The following ETV6 variants were observed in gnomAD, a reference collection of about 807,000 sequenced individuals.
The protein encoded by ETV6 is transcription factor ETV6.
Under a neutral mutation model 51.1 loss-of-function variants are expected in ETV6, and 16 were observed. That is an observed-to-expected ratio of 0.31 (90% CI 0.21 to 0.48). The LOEUF is 0.48. Ranked by LOEUF, ETV6 falls within the 20% of genes least tolerant of loss-of-function variation. The probability of loss-of-function intolerance (pLI) is 0.99; values close to 1 mark genes in which losing one functional copy is unlikely to be tolerated. For missense variants in ETV6, 458 were observed against 594.8 expected, an observed-to-expected ratio of 0.77 and a Z score of 2.39; for synonymous variants, 240 against 224.1, an observed-to-expected ratio of 1.07 and a Z score of -0.64.
chr12:11,793,553 T>C (rs1393193558), intron 2 of ETV6, among the ~76,000 whole-genome samples: 1 of 152,228 alleles, frequency 6.6e-6, no homozygotes, highest in African/African-American at 2.4e-5. Flanking sequence ...TTCAGAGAAC[T>C]CCAGTAAATT....
At chr12:11,740,532 C>T (rs148059338) in intron 1 of ETV6, among the ~76,000 whole-genome samples, 24 of 152,040 alleles carry the variant, frequency 1.6e-4, no homozygotes, top group Admixed American at 1.3e-3. Flanking sequence ...CAGTGAATTT[C>T]AGATATTAAA....
intron 1 of ETV6, among the ~76,000 whole-genome samples, chr12:11,665,108 G>C (rs1255415346): frequency 6.6e-6 from 1 of 152,156 alleles, no homozygotes; most frequent in Non-Finnish European, 1.5e-5. Context: ...TCTGGGCTCA[G>C]GTGATTCTCC....
intron 1 of ETV6, among the ~76,000 whole-genome samples, chr12:11,659,310 G>C (rs1864056655): frequency 6.6e-6 from 1 of 152,198 alleles, no homozygotes; most frequent in African/African-American, 2.4e-5. Flanking sequence ...TGGCAGATGA[G>C]AAGATGAACT....
intron 2 of ETV6, among the ~76,000 whole-genome samples, chr12:11,757,285 C>A (rs11054444): frequency 1.3e-5 from 2 of 152,134 alleles, no homozygotes; most frequent in Non-Finnish European, 2.9e-5. Flanking sequence ...GTTTTGCCTT[C>A]TCAGCAGAGT....
chr12:11,855,283 G>A (rs766588243), intron 4 of ETV6, among the ~76,000 whole-genome samples: 2 of 152,128 alleles, frequency 1.3e-5, no homozygotes, highest in Non-Finnish European at 2.9e-5. Context: ...TCCAGCCTGG[G>A]CGACAGAGCG....
intron 2 of ETV6, among the ~76,000 whole-genome samples, chr12:11,821,251 A>G (rs748891148): frequency 2.0e-5 from 3 of 152,068 alleles, no homozygotes; most frequent in Non-Finnish European, 4.4e-5. Context: ...CTGTAGTCCC[A>G]GCTTCTCGGG....
intron 2 of ETV6, among the ~76,000 whole-genome samples, chr12:11,835,884 G>A (rs761994949): frequency 1.3e-5 from 2 of 152,178 alleles, no homozygotes; most frequent in African/African-American, 2.4e-5. Context: ...TCAGATCTCC[G>A]CTTCTGTCAT....
intron 2 of ETV6, among the ~76,000 whole-genome samples, chr12:11,789,888 A>G (rs1945555112): frequency 6.6e-6 from 1 of 152,120 alleles, no homozygotes; most frequent in South Asian, 2.1e-4. Flanking sequence ...TTTTACAGTA[A>G]TGTGCCTTAG....
chr12:11,789,738 A>G (rs752190230), intron 2 of ETV6, among the ~76,000 whole-genome samples: 3 of 152,142 alleles, frequency 2.0e-5, no homozygotes, highest in Non-Finnish European at 4.4e-5. Flanking sequence ...CAGAATTTTG[A>G]AGGTAGCACT....
chr12:11,844,801 C>T (rs920304332), intron 3 of ETV6, among the ~76,000 whole-genome samples: 1 of 148,582 alleles, frequency 6.7e-6, no homozygotes, highest in African/African-American at 2.5e-5. Context: ...AGAAATGCTT[C>T]GATAGGTCAC....
At chr12:11,827,283 G>A (rs992513640) in intron 2 of ETV6, among the ~76,000 whole-genome samples, 45 of 152,176 alleles carry the variant, frequency 3.0e-4, no homozygotes, top group African/African-American at 9.6e-4. Context: ...ACAGCCTTTC[G>A]GTGGAGGGTA....
intron 1 of ETV6, among the ~76,000 whole-genome samples, chr12:11,665,887 G>C (rs1175054935): frequency 6.6e-6 from 1 of 152,226 alleles, no homozygotes; most frequent in Non-Finnish European, 1.5e-5. Flanking sequence ...TTCTAGAGGG[G>C]AATATAGATA....
At chr12:11,756,384 TTTC>T (rs1263017434) in intron 2 of ETV6, among the ~76,000 whole-genome samples, 5 of 152,190 alleles carry the variant, frequency 3.3e-5, no homozygotes, top group Non-Finnish European at 7.4e-5. Flanking sequence ...GGCATCATTT[TTTC>T]TTCTTCTTCC....
chr12:11,750,634 G>C (rs1173902860), intron 1 of ETV6, among the ~76,000 whole-genome samples: 1 of 152,166 alleles, frequency 6.6e-6, no homozygotes, highest in Non-Finnish European at 1.5e-5. Context: ...GTTAACGGTA[G>C]ATATCTAGAC....
chr12:11,656,650 G>A (rs1466010972), intron 1 of ETV6, among the ~76,000 whole-genome samples: 1 of 152,064 alleles, frequency 6.6e-6, no homozygotes, highest in Non-Finnish European at 1.5e-5. Flanking sequence ...GGCCCTTGTT[G>A]TTTTTCTCAG....
At chr12:11,799,251 A>G (rs1945715318) in intron 2 of ETV6, among the ~76,000 whole-genome samples, 1 of 152,216 alleles carries the variant, frequency 6.6e-6, no homozygotes, top group African/African-American at 2.4e-5. Flanking sequence ...TGTCTAGTGC[A>G]GAACAAGATC....
intron 2 of ETV6, among the ~76,000 whole-genome samples, chr12:11,827,238 C>T (rs1946170215): frequency 6.6e-6 from 1 of 152,088 alleles, no homozygotes; most frequent in Non-Finnish European, 1.5e-5. Flanking sequence ...TCACAGCAGT[C>T]TGCCCCGCGA....
intron 5 of ETV6, among the ~76,000 whole-genome samples, chr12:11,875,352 T>C (rs555108484): frequency 1.3e-5 from 2 of 152,312 alleles, no homozygotes; most frequent in East Asian, 3.9e-4. Flanking sequence ...CAACGCTGTA[T>C]GGAATAGTGA....
chr12:11,871,197 C>CT (rs569181747), intron 5 of ETV6, among the ~76,000 whole-genome samples: 4,201 of 138,248 alleles, frequency 0.03, 93 homozygotes, highest in African/African-American at 0.063. Context: ...GGTACTGTCC[C>CT]TTTTTTTTTT....
Sources: gnomAD v4.1 joint callset for allele counts (sites outside exome capture counted in the v4.1 genomes callset) on GRCh38, gnomAD v4.1.1 for gene constraint, MANE v1.5 for transcripts, NCBI Gene and HGNC (gene_info 2026-07-23, HGNC 2026-07-21) for gene names.